APPL1: variants seen among roughly 807,000 people sequenced by gnomAD.
APPL1 encodes adaptor protein, phosphotyrosine interacting with PH domain and leucine zipper 1.
Under a neutral mutation model 106.8 loss-of-function variants are expected in APPL1, and 42 were observed. The ratio of observed to expected loss-of-function variants is 0.39; its 90% confidence interval spans 0.31 to 0.51. APPL1 has a LOEUF of 0.51. Among genes scored for constraint, APPL1 ranks in the 20% least tolerant of loss-of-function variants. The probability of loss-of-function intolerance (pLI) is 0.75; values close to 1 mark genes in which losing one functional copy is unlikely to be tolerated. For missense variants in APPL1, 769 were observed against 858.2 expected (o/e 0.90, Z 1.30); for synonymous variants, 263 against 281.8 (o/e 0.93, Z 0.67).
rs2060712502 is a variant in APPL1 at position 57,235,625 on chromosome 3, C to T, written c.114C>T (p.Asn38=). Residue 38 remains asparagine (N), a synonymous_variant, in exon 2 of 22, where the codon AAC becomes AAT. Coordinates refer to ENST00000288266, the MANE Select transcript of APPL1 (RefSeq NM_012096.3). The part of the protein sequence containing the change: ...EDATAISNYM[N]QLYQAMHRIY... ...CCACAGCTATTTCCAACTATATGAA[C>T]CAGTTGTATCAAGCTATGCATCGGA... 18 of 1,613,410 alleles carry T rather than the reference C, an allele frequency of 1.1e-5. No individual in the cohort carries two copies. Among genetic ancestry groups the T allele is most frequent in the Non-Finnish European group, 1.5e-5 (18 of 1,179,562 alleles).
At chr3:57,268,054 C>G in intron 20 of APPL1, 1 of 534,298 alleles carries the variant, frequency 1.9e-6, no homozygotes, top group Non-Finnish European at 3.3e-6. Flanking sequence ...GATCACACCA[C>G]TGCACTCCAG....
At chr3:57,263,691 T>C (rs1044748923) in intron 19 of APPL1, among the ~76,000 whole-genome samples, 1 of 152,106 alleles carries the variant, frequency 6.6e-6, no homozygotes, top group African/African-American at 2.4e-5. Flanking sequence ...AATGACAGAA[T>C]CTCATTCTTT....
chr3:57,230,784 T>C (rs2060682207), intron 1 of APPL1: 2 of 457,428 alleles, frequency 4.4e-6, no homozygotes, highest in Admixed American at 2.5e-5. Flanking sequence ...TTTTTGTTTT[T>C]TTTTTGAGAC....
At chr3:57,269,388 G>A in intron 21 of APPL1, 153 bp from the exon 22 acceptor site, 1 of 674,364 alleles carries the variant, frequency 1.5e-6, no homozygotes, top group Non-Finnish European at 2.3e-6. Context: ...GTGTTGTATT[G>A]TTTGGGTGTA....
At chr3:57,258,006 A>G (rs2060846340) in intron 15 of APPL1, among the ~76,000 whole-genome samples, 2 of 152,238 alleles carry the variant, frequency 1.3e-5, no homozygotes, top group African/African-American at 4.8e-5. Flanking sequence ...TAATTTGGAT[A>G]TACATGGCTG....
chr3:57,268,407 G>A lies in APPL1; in HGVS notation c.1903G>A (p.Ala635Thr), dbSNP rs1311660596. ...TTCATCTGTTCTTTAGGATCGTAGG[G>A]CATCAGAAAAACAAAAAGAAATAGA... is the stretch of plus-strand genomic sequence containing the variant. ...IALHAELDRR[A>T]SEKQKEIERV... The change falls in exon 21 of 22, where the codon GCA (alanine) becomes ACA (threonine). Residue 635 changes from alanine (A) to threonine (T), a missense_variant. Transcript: ENST00000288266. 1.3e-6 allele frequency: 2 copies of A among 1,578,564 alleles called. No individual in the cohort carries two copies. The highest frequency in any genetic ancestry group is 2.3e-5 in the East Asian group (1 of 44,418).
rs1218193203 is a variant in APPL1, at chr3:57,240,938, GT to G, written c.373+388del. 2.0e-5 allele frequency among the ~76,000 whole-genome samples: 3 copies of G among 152,324 alleles called. No individual in the cohort carries two copies. In the East Asian group the frequency reaches 5.8e-4, roughly 29 times the overall value. On this transcript the variant is annotated intron_variant, in intron 5 of 21. Coordinates refer to ENST00000288266, the MANE Select transcript of APPL1 (RefSeq NM_012096.3). ...TTGCCAGGAGAACAGTCATTGTTCT[GT>G]TAGAGGGACTAGAGTGCACAAGATA... is the stretch of plus-strand genomic sequence containing the variant.
In APPL1 at chr3:57,272,858, C is replaced by G. The variant is rs894500741; in HGVS notation, c.*3171C>G. On this transcript the variant is annotated 3_prime_UTR_variant, in exon 22 of 22. Transcript: ENST00000288266. The stretch of plus-strand genomic sequence containing the variant: ...TCATGATCCGCCCGCCTCGGCCTCC[C>G]AAAGTGCTGGGATTACAGGCGTGAG... The G allele has an allele frequency of 2.6e-5, 4 of 152,246 alleles. No homozygotes were observed. The highest frequency in any genetic ancestry group is 7.2e-5 in the African/African-American group (3 of 41,462). 9.4% of individuals were successfully genotyped at this position (152,246 alleles called of 1,614,324 possible).
intron 1 of APPL1, among the ~76,000 whole-genome samples, chr3:57,233,102 T>C (rs1216525318): frequency 2.0e-5 from 3 of 152,178 alleles, no homozygotes; most frequent in Admixed American, 6.5e-5. Context: ...ATATTTGTTA[T>C]GTTTACATGA....
rs1559504667 is a variant in APPL1 at position 57,228,014 on chromosome 3, G to A, written c.54+77G>A. 1.6e-6 allele frequency: 2 copies of A among 1,250,912 alleles called. No homozygotes were observed. The highest frequency in any genetic ancestry group is 2.1e-6 in the Non-Finnish European group (2 of 960,266). 77.5% of individuals were successfully genotyped at this position (1,250,912 alleles called of 1,614,324 possible). On this transcript the variant is annotated intron_variant, in intron 1 of 21. Coordinates refer to ENST00000288266, the MANE Select transcript of APPL1 (RefSeq NM_012096.3). The surrounding 1 kb of genome is among the most constrained non-coding windows in gnomAD (Gnocchi z 4.6). ...CAGGTCTGGCGCCTCCGCGGCTCCC[G>A]CAGGTGCCCGCCCCGGCCCAGGTGG... is the stretch of plus-strand genomic sequence containing the variant.
chr3:57,227,918 C>T lies in APPL1; in HGVS notation c.35C>T (p.Thr12Met). 6.8e-7 allele frequency: 1 copy of T among 1,464,542 alleles called. No homozygotes were observed. The highest frequency in any genetic ancestry group is 3.0e-5 in the East Asian group (1 of 33,798). The allele number at this position is 1,464,542 out of a possible 1,614,324, so 90.7% of individuals were successfully genotyped here. A position where few individuals can be genotyped will look rare whatever the true frequency, so the allele number is the denominator to read the frequency against. Residue 12 changes from threonine (T) to methionine (M), a missense_variant, in exon 1 of 22, where the codon ACG becomes ATG. Coordinates refer to ENST00000288266, the MANE Select transcript of APPL1 (RefSeq NM_012096.3). ...ATCGACAAGCTGCCCATCGAGGAGA[C>T]GCTGGAGGACAGCCCGCAGGTGAGG... is the stretch of plus-strand genomic sequence containing the variant. ...PGIDKLPIEE[T>M]LEDSPQTRSL... is the part of the protein sequence containing the mutation.
Position 57,247,471 on chromosome 3 carries a change from T to C in APPL1, c.698T>C (p.Val233Ala), listed in dbSNP as rs768552496. 2 of 1,590,140 alleles carry C rather than the reference T, an allele frequency of 1.3e-6. No individual in the cohort carries two copies. Among genetic ancestry groups the C allele is most frequent in the Non-Finnish European group, 1.7e-6 (2 of 1,160,106 alleles). ...EEFLANIGTS[V>A]QNVRREMDSD... ...TTTTTAGCTAATATTGGAACAAGCG[T>C]TCAGAAGTAAGTATTTTTTTCCTTA... The change falls in exon 9 of 22, where the codon GTT becomes GCT. Residue 233 changes from valine (V) to alanine (A), a missense_variant. Physicochemically the swap from Val to Ala is moderately conservative, Grantham distance 64. Coordinates refer to ENST00000288266, the MANE Select transcript of APPL1 (RefSeq NM_012096.3).
chr3:57,249,260 C>G, intron 10 of APPL1, 100 bp from the exon 11 acceptor site: 1 of 1,248,592 alleles, frequency 8.0e-7, no homozygotes, highest in South Asian at 1.4e-5. Flanking sequence ...GGTGCCTCTT[C>G]GCAAGCCAGT....
At position 57,252,257 on chromosome 3, in the gene APPL1, C is replaced by T. The variant is rs780473103; in HGVS notation, c.1053-12C>T. On this transcript the variant is annotated splice_polypyrimidine_tract_variant and intron_variant, in intron 11 of 21. Coordinates refer to ENST00000288266, the MANE Select transcript of APPL1 (RefSeq NM_012096.3). The stretch of plus-strand genomic sequence containing the variant: ...TTAAACAGTTGAGGCTCAAACGTCT[C>T]TTCTCTTCCAGATCTTCAATTTTGC... 3 of 1,606,566 alleles carry T rather than the reference C, an allele frequency of 1.9e-6. No homozygotes were observed. The highest frequency in any genetic ancestry group is 1.7e-6 in the Non-Finnish European group (2 of 1,176,820).
chr3:57,261,844 A>G (rs1017889283), intron 19 of APPL1, among the ~76,000 whole-genome samples: 7 of 152,134 alleles, frequency 4.6e-5, no homozygotes, highest in African/African-American at 1.7e-4. Context: ...AGAGATCTCC[A>G]TACTGTTTTC....
At chr3:57,251,736 C>T (rs1425186592) in intron 11 of APPL1, among the ~76,000 whole-genome samples, 1 of 151,732 alleles carries the variant, frequency 6.6e-6, no homozygotes, top group Admixed American at 6.6e-5. Context: ...TAATGCTTAC[C>T]ATGATTTCCC....
intron 13 of APPL1, among the ~76,000 whole-genome samples, chr3:57,254,967 A>T (rs999249337): frequency 4.6e-5 from 7 of 152,270 alleles, no homozygotes; most frequent in African/African-American, 1.7e-4. Flanking sequence ...TGAAATGTGC[A>T]TACAAGTCAC....
Position 57,253,665 on chromosome 3 carries a change from A to AT in APPL1, c.1096-11dup. 1 of 1,412,630 alleles carries AT rather than the reference A, an allele frequency of 7.1e-7. No homozygotes were observed. The highest frequency in any genetic ancestry group is 9.3e-7 in the Non-Finnish European group (1 of 1,075,802). 87.5% of individuals were successfully genotyped at this position (1,412,630 alleles called of 1,614,324 possible). On this transcript the variant is annotated splice_polypyrimidine_tract_variant and intron_variant, in intron 12 of 21. Transcript: ENST00000288266. ...TGTAGAAAAAAAATTATATTTTTCT[A>AT]TTTTTTCCTCTTGCAGTGGATCTGT...
Position 57,237,480 on chromosome 3 carries a change from CT to C in APPL1, c.154-7del. ...TCCCAGTAATATGCTAATTTGAATG[CT>C]TTTTCCATAGAATGAATTAAGTGCA... On this transcript the variant is annotated splice_polypyrimidine_tract_variant and intron_variant, in intron 2 of 21. Transcript: ENST00000288266. 2 of 1,589,966 alleles carry C rather than the reference CT, an allele frequency of 1.3e-6. No homozygotes were observed. Among genetic ancestry groups the C allele is most frequent in the South Asian group, 1.2e-5 (1 of 84,750 alleles).
Sources: allele counts gnomAD v4.1 joint callset (sites outside exome capture counted in the v4.1 genomes callset), GRCh38; gene constraint gnomAD v4.1.1; non-coding constraint Gnocchi (gnomAD v3.1); transcripts MANE v1.5; gene names NCBI Gene and HGNC (gene_info 2026-07-23, HGNC 2026-07-21).